The following RAB11FIP3 variants were observed in gnomAD, a reference collection of about 807,000 sequenced individuals.
RAB11FIP3 encodes the protein RAB11 family interacting protein 3.
A neutral mutation model predicts 77.8 loss-of-function variants in RAB11FIP3; 17 were observed. The ratio of observed to expected loss-of-function variants is 0.22; its 90% CI spans 0.15 to 0.33. The LOEUF (loss-of-function observed/expected upper bound fraction) is 0.33, where lower values mean the gene tolerates loss of function less well. RAB11FIP3 is among the 10% of genes least tolerant of loss of function. The pLI is 1.00. For missense variants in RAB11FIP3, 1,005 were observed against 1,011.2 expected (o/e 0.99, Z 0.08); for synonymous variants, 437 against 448.2 (o/e 0.98, Z 0.31).
rs150937967 is a variant in RAB11FIP3, at chr16:488,995, G to A, written c.1260G>A (p.Thr420=). 1.4e-3 allele frequency: 2,261 copies of A among 1,613,410 alleles called. 4 individuals are homozygous for A. The highest frequency in any genetic ancestry group is 2.6e-3 in the South Asian group (233 of 91,030). The change falls in exon 5 of 14, where the codon ACG becomes ACA. Residue 420 remains threonine, a synonymous_variant. Coordinates refer to ENST00000262305, the MANE Select transcript of RAB11FIP3 (RefSeq NM_014700.4). ...GCTGCAGTGACCCCGCTTTCCTCAC[G>A]CCCAGGTAATGACGCCTTGTTCCAG... ...QLGCSDPAFL[T]PSPTKRLSSK...
chr16:493,438 G>C (rs1054449654), intron 5 of RAB11FIP3, among the ~76,000 whole-genome samples: 32 of 152,036 alleles, frequency 2.1e-4, no homozygotes, highest in African/African-American at 7.5e-4. Context: ...CTTTGTGGGT[G>C]GCAACAGGTG....
intron 6 of RAB11FIP3, chr16:502,802 C>T (rs1229029660): frequency 2.1e-5 from 12 of 583,518 alleles, no homozygotes; most frequent in Non-Finnish European, 2.7e-5. Flanking sequence ...TTCTCCCAGC[C>T]CCTGGTAAAG....
At chr16:487,641 A>T (rs2056184230) in intron 4 of RAB11FIP3, among the ~76,000 whole-genome samples, 1 of 151,978 alleles carries the variant, frequency 6.6e-6, no homozygotes, top group Admixed American at 6.5e-5. Flanking sequence ...CCTGGAGTGG[A>T]GCAGCGCCGG....
At chr16:459,435 T>TC (rs1372677555) in intron 1 of RAB11FIP3, among the ~76,000 whole-genome samples, 1 of 149,216 alleles carries the variant, frequency 6.7e-6, no homozygotes, top group East Asian at 1.9e-4. Context: ...TTCAAACTTT[T>TC]TTTTTTTTTT....
rs557081408 is a variant in RAB11FIP3, at chr16:493,967, G to A, written c.1266-2857G>A. ...CACCCAGGCTGGAGTGCGGTGGTGCGATCTCGGCTCACTGCAACCTCTGCC... is the reference window on the plus strand; with the variant it reads ...CACCCAGGCTGGAGTGCGGTGGTGCAATCTCGGCTCACTGCAACCTCTGCC... On this transcript the variant is annotated intron_variant, in intron 5 of 13. Transcript: ENST00000262305. Among the ~76,000 whole-genome samples, 55 of 137,300 alleles carry A rather than the reference G, an allele frequency of 4.0e-4. 2 individuals carry two copies. The South Asian group carries it at 0.012, about 30-fold the overall frequency. The allele number at this position is 137,300 out of a possible 152,430, so 90.1% of individuals were successfully genotyped here.
In RAB11FIP3 at chr16:447,930, A is replaced by G. The variant is rs76108959; in HGVS notation, c.715-13474A>G. Among the ~76,000 whole-genome samples, 389 of 152,316 alleles carry G rather than the reference A, an allele frequency of 2.6e-3. 16 individuals carry two copies. The East Asian group carries it at 0.064, about 25-fold the overall frequency. ...AAAACAACAGGACGGGCCAGGCACAATGAATTGTGAAAAATAACGCTGACA... is the reference window on the plus strand; with the variant it reads ...AAAACAACAGGACGGGCCAGGCACAGTGAATTGTGAAAAATAACGCTGACA... On this transcript the variant is annotated intron_variant, in intron 1 of 13. Transcript: ENST00000262305.
In RAB11FIP3 at chr16:520,561, T is replaced by A. The variant is rs2032639160; in HGVS notation, c.2119T>A (p.Ser707Thr). The change falls in exon 13 of 14, where the codon TCC (serine) becomes ACC (threonine). Residue 707 changes from serine (S) to threonine (T), a missense_variant. Ser to Thr is a moderately conservative substitution (Grantham distance 58). Around this residue, in one of 4 missense-constraint regions of RAB11FIP3, gnomAD observed 90 missense variants for 129.7 expected, o/e 0.69. Transcript: ENST00000262305. The stretch of plus-strand genomic sequence containing the variant: ...CCTCTTCTCCACAGCCTTCTCTGAG[T>A]CCCTGGCTGCAGAGATCAGCTCCGT... The part of the protein sequence containing the change: ...KSLFSTAFSE[S>T]LAAEISSVSR... 6 of 1,613,502 alleles carry A rather than the reference T, an allele frequency of 3.7e-6. No individual in the cohort carries two copies. Among genetic ancestry groups the A allele is most frequent in the Non-Finnish European group, 5.1e-6 (6 of 1,180,006 alleles).
intron 5 of RAB11FIP3, among the ~76,000 whole-genome samples, chr16:489,569 C>T (rs757113862): frequency 1.3e-5 from 2 of 152,176 alleles, no homozygotes; most frequent in Non-Finnish European, 2.9e-5. Flanking sequence ...GAGTCAGTCC[C>T]TCTAGGACGC....
At chr16:481,427 C>A (rs1040350505) in intron 3 of RAB11FIP3, among the ~76,000 whole-genome samples, 9 of 152,146 alleles carry the variant, frequency 5.9e-5, no homozygotes, top group African/African-American at 2.2e-4. Flanking sequence ...AGGAGAATCA[C>A]TTGAACACAG....
At chr16:447,978 T>G (rs1048243797) in intron 1 of RAB11FIP3, among the ~76,000 whole-genome samples, 1 of 130,470 alleles carries the variant, frequency 7.7e-6, no homozygotes, top group African/African-American at 2.5e-5. Context: ...GGAACAAAAT[T>G]AAAAAAGGAA....
chr16:476,006 C>T (rs1341196038), intron 3 of RAB11FIP3, among the ~76,000 whole-genome samples: 2 of 152,194 alleles, frequency 1.3e-5, no homozygotes, highest in Non-Finnish European at 2.9e-5. Context: ...CAGGCGCCCG[C>T]CACCACACCC....
Position 471,529 on chromosome 16 carries a change from C to T in RAB11FIP3, c.903+140C>T, listed in dbSNP as rs1056454835. On this transcript the variant is annotated intron_variant, in intron 3 of 13. Coordinates refer to ENST00000262305, the MANE Select transcript of RAB11FIP3 (RefSeq NM_014700.4). The surrounding 1 kb of genome is among the most constrained non-coding windows in gnomAD (Gnocchi z 4.4). ...GAAGGGCCTCCCGCCCTGTGTGCAC[C>T]GTGGGGCTCTGTGGCTGTGACGGGA... 13 of 721,142 alleles carry T rather than the reference C, an allele frequency of 1.8e-5. No individual in the cohort carries two copies. Among genetic ancestry groups the T allele is most frequent in the African/African-American group, 1.4e-4 (8 of 57,306 alleles). 44.7% of individuals were successfully genotyped at this position (721,142 alleles called of 1,614,324 possible).
At chr16:487,289 C>T (rs1971064429) in intron 4 of RAB11FIP3, among the ~76,000 whole-genome samples, 1 of 152,156 alleles carries the variant, frequency 6.6e-6, no homozygotes, top group Non-Finnish European at 1.5e-5. Context: ...CGCCACCACC[C>T]CCAGGTAATT....
chr16:499,833 A>G (rs1004071423), intron 6 of RAB11FIP3, among the ~76,000 whole-genome samples: 12 of 150,238 alleles, frequency 8.0e-5, no homozygotes, highest in Non-Finnish European at 1.8e-4. Context: ...ATCTGCAGTT[A>G]TCTGTCGTTA....
At chr16:520,019 C>G (rs528857450) in intron 11 of RAB11FIP3, 103 bp from the exon 12 acceptor site, 9 of 1,523,114 alleles carry the variant, frequency 5.9e-6, no homozygotes, top group Non-Finnish European at 8.0e-6. Flanking sequence ...GTCGTCCTCC[C>G]GAGAGACGGC....
chr16:427,555 A>G (rs2054969768), intron 1 of RAB11FIP3, among the ~76,000 whole-genome samples: 1 of 152,232 alleles, frequency 6.6e-6, no homozygotes, highest in Non-Finnish European at 1.5e-5. Flanking sequence ...TTAAGTGGAG[A>G]TAACAGCAGG....
chr16:426,855 G>T lies in RAB11FIP3; in HGVS notation c.714+135G>T, dbSNP rs2054955535. 9 of 602,004 alleles carry T rather than the reference G, an allele frequency of 1.5e-5. No individual in the cohort carries two copies. In the Admixed American group the frequency reaches 3.3e-4, roughly 22 times the overall value. 37.3% of individuals were successfully genotyped at this position (602,004 alleles called of 1,614,324 possible). On this transcript the variant is annotated intron_variant, in intron 1 of 13. Transcript: ENST00000262305. The surrounding 1 kb of genome is among the most constrained non-coding windows in gnomAD (Gnocchi z 5.0). ...AAGACCTGACGGTCCTGCTTTTTCT[G>T]CTTATTCACCACTTCGGCCCTGGAT...
chr16:520,074 G>A (rs1387096129), intron 11 of RAB11FIP3, 48 bp from the exon 12 acceptor site: 4 of 1,538,904 alleles, frequency 2.6e-6, no homozygotes, highest in Non-Finnish European at 2.6e-6. Context: ...GCTGACGGTG[G>A]CCCCTGGGAG....
At chr16:475,646 C>T (rs2055890086) in intron 3 of RAB11FIP3, among the ~76,000 whole-genome samples, 1 of 152,210 alleles carries the variant, frequency 6.6e-6, no homozygotes, top group Non-Finnish European at 1.5e-5. Context: ...GCCTCATGAG[C>T]TGTCTGGAAC....
Sources: gnomAD v4.1 joint callset for allele counts (sites outside exome capture counted in the v4.1 genomes callset) on GRCh38, gnomAD v4.1.1 for gene constraint, gnomAD v4.1.1 regional missense constraint, Gnocchi (gnomAD v3.1) non-coding constraint, MANE v1.5 for transcripts, NCBI Gene and HGNC (gene_info 2026-07-23, HGNC 2026-07-21) for gene names.